CNTNAP2: variants seen among roughly 807,000 people sequenced by gnomAD.
CNTNAP2 encodes the protein contactin-associated protein-like 2.
CNTNAP2 carries 98 observed loss-of-function variants against 155.2 expected under a neutral mutation model. The ratio of observed to expected loss-of-function variants is 0.63; its 90% CI spans 0.54 to 0.75. The LOEUF (loss-of-function observed/expected upper bound fraction) is 0.75, where lower values mean the gene tolerates loss of function less well. Among genes scored for constraint, CNTNAP2 ranks in the 30% least tolerant of loss-of-function variants. The pLI is 0.00. For synonymous variants in CNTNAP2, 651 were observed against 631.2 expected, an observed-to-expected ratio of 1.03 and a Z score of -0.47; for missense variants, 1,727 against 1,688.1, an observed-to-expected ratio of 1.02 and a Z score of -0.40.
intron 10 of CNTNAP2, among the ~76,000 whole-genome samples, chr7:147,412,036 C>T (rs1307986291): frequency 6.6e-6 from 1 of 152,156 alleles, no homozygotes; most frequent in Non-Finnish European, 1.5e-5. Context: ...AGACAATCGA[C>T]ATTTTAGGGT....
intron 10 of CNTNAP2, among the ~76,000 whole-genome samples, chr7:147,463,958 TA>T (rs34032978): frequency 0.02 from 1,668 of 82,894 alleles, 39 homozygotes; most frequent in African/African-American, 0.076. Flanking sequence ...GCCCCACTAC[TA>T]AAAAAAAAAA....
intron 13 of CNTNAP2, among the ~76,000 whole-genome samples, chr7:147,777,979 T>C (rs1797610500): frequency 6.6e-6 from 1 of 152,236 alleles, no homozygotes; most frequent in Admixed American, 6.5e-5. Flanking sequence ...TTTCTCCTCC[T>C]GCCTTAAACC....
intron 10 of CNTNAP2, among the ~76,000 whole-genome samples, chr7:147,451,794 T>TTTAATTGCCATTGTAAGAATA (rs1797838887): frequency 6.6e-6 from 1 of 150,776 alleles, no homozygotes; most frequent in African/African-American, 2.4e-5. Flanking sequence ...CACATTGAAA[T>TTTAATTGCCATTGTAAGAATA]TTAATTGCCA....
At chr7:146,778,391 T>C (rs1428206935) in intron 2 of CNTNAP2, among the ~76,000 whole-genome samples, 1 of 152,200 alleles carries the variant, frequency 6.6e-6, no homozygotes, top group Non-Finnish European at 1.5e-5. Flanking sequence ...ATGGCAAAAG[T>C]ATGGAGGAAA....
At chr7:147,066,656 T>C (rs1799785065) in intron 4 of CNTNAP2, among the ~76,000 whole-genome samples, 1 of 152,140 alleles carries the variant, frequency 6.6e-6, no homozygotes, top group African/African-American at 2.4e-5. Flanking sequence ...CACAAACTCA[T>C]AATGGGGGAG....
intron 1 of CNTNAP2, among the ~76,000 whole-genome samples, chr7:146,342,698 G>A (rs766705465): frequency 2.6e-5 from 4 of 152,072 alleles, no homozygotes; most frequent in Non-Finnish European, 5.9e-5. Context: ...TTTGAGTAAT[G>A]CTGTGCTAAA....
At chr7:146,769,882 C>T (rs1802262496) in intron 1 of CNTNAP2, among the ~76,000 whole-genome samples, 1 of 151,964 alleles carries the variant, frequency 6.6e-6, no homozygotes, top group Non-Finnish European at 1.5e-5. Context: ...CAAAAGCAAT[C>T]TGTGGGCTGG....
At chr7:146,740,205 T>C (rs555343115) in intron 1 of CNTNAP2, among the ~76,000 whole-genome samples, 66 of 151,974 alleles carry the variant, frequency 4.3e-4, no homozygotes, top group Non-Finnish European at 8.1e-4. Context: ...TTCACAAATA[T>C]TGTTTTCTGC....
rs185372833 is a variant in CNTNAP2 at position 146,884,349 on chromosome 7, A to G, written c.402+44445A>G. On this transcript the variant is annotated intron_variant, in intron 3 of 23. Coordinates refer to ENST00000361727, the MANE Select transcript of CNTNAP2 (RefSeq NM_014141.6). Reference sequence around the variant, plus strand: ...TCTTGCATATTATTTATTTGCAGGTACATTGCAGCTAAAATTGGAGGAAGA... The same window carrying G: ...TCTTGCATATTATTTATTTGCAGGTGCATTGCAGCTAAAATTGGAGGAAGA... Among the ~76,000 whole-genome samples the G allele has an allele frequency of 3.4e-3, 513 of 152,278 alleles. 5 individuals carry two copies. Among genetic ancestry groups the G allele is most frequent in the African/African-American group, 0.012 (485 of 41,568 alleles).
intron 2 of CNTNAP2, among the ~76,000 whole-genome samples, chr7:146,826,467 G>A (rs1803402525): frequency 6.6e-6 from 1 of 152,022 alleles, no homozygotes; most frequent in Non-Finnish European, 1.5e-5. Context: ...GCAGGCCTGT[G>A]CCAAGATTCC....
At chr7:147,385,672 T>G (rs1304979799) in intron 9 of CNTNAP2, among the ~76,000 whole-genome samples, 1 of 152,224 alleles carries the variant, frequency 6.6e-6, no homozygotes, top group East Asian at 1.9e-4. Context: ...CCTGTGGCTT[T>G]GCAAGGTATA....
Position 147,817,576 on chromosome 7 carries a change from C to CCA in CNTNAP2, c.2099-85989_2099-85988insCA, listed in dbSNP as rs539812904. Among the ~76,000 whole-genome samples, 362 of 152,192 alleles carry CCA rather than the reference C, an allele frequency of 2.4e-3. 1 individual carries two copies. The highest frequency in any genetic ancestry group is 8.4e-3 in the African/African-American group (349 of 41,516). ...ACTTATTCACGTAATTAAATGCCAC[C>CCA]TGTACTCCAATAACTTATGGGAAAA... On this transcript the variant is annotated intron_variant, in intron 13 of 23. Transcript: ENST00000361727.
At chr7:146,567,813 C>T (rs561837132) in intron 1 of CNTNAP2, among the ~76,000 whole-genome samples, 18 of 152,182 alleles carry the variant, frequency 1.2e-4, no homozygotes, top group Admixed American at 1.0e-3. Context: ...CTCCGCCTCC[C>T]GGGTTCAGGC....
chr7:148,341,135 G>C lies in CNTNAP2; in HGVS notation c.3476-42514G>C, dbSNP rs17170960. Among the ~76,000 whole-genome samples, 7 of 152,272 alleles carry C rather than the reference G, an allele frequency of 4.6e-5. No individual in the cohort carries two copies. The East Asian group carries it at 1.4e-3, about 29-fold the overall frequency. ...CCCGTCAAGACCTGAACTACCACAG[G>C]TCTAACTTGGGAAAGCCTCATTCCT... is the stretch of plus-strand genomic sequence containing the variant. On this transcript the variant is annotated intron_variant, in intron 21 of 23. Transcript: ENST00000361727.
intron 17 of CNTNAP2, among the ~76,000 whole-genome samples, chr7:148,150,538 ACT>A (rs1247678290): frequency 1.3e-5 from 2 of 151,338 alleles, no homozygotes; most frequent in East Asian, 3.9e-4. Flanking sequence ...ATAGAGTGAG[ACT>A]CTGTCTCAGA....
chr7:147,456,890 A>T (rs1797926009), intron 10 of CNTNAP2, among the ~76,000 whole-genome samples: 1 of 152,200 alleles, frequency 6.6e-6, no homozygotes, highest in African/African-American at 2.4e-5. Flanking sequence ...AATGTTAACC[A>T]GGAGGTCTGT....
chr7:146,402,246 A>G (rs981393624), intron 1 of CNTNAP2, among the ~76,000 whole-genome samples: 4 of 152,186 alleles, frequency 2.6e-5, no homozygotes. Flanking sequence ...TGTGTTTTGT[A>G]GAGCACCATC....
chr7:146,610,288 C>T (rs537816369), intron 1 of CNTNAP2, among the ~76,000 whole-genome samples: 1 of 152,226 alleles, frequency 6.6e-6, no homozygotes, highest in Non-Finnish European at 1.5e-5. Flanking sequence ...ATAGGAAAGG[C>T]TTGAAACATG....
chr7:147,407,284 T>C (rs1033715662), intron 10 of CNTNAP2, among the ~76,000 whole-genome samples: 20 of 151,710 alleles, frequency 1.3e-4, no homozygotes, highest in Admixed American at 9.8e-4. Flanking sequence ...CTGGCTAACA[T>C]GGTGAAACCC....
Sources: allele counts gnomAD v4.1 joint callset (sites outside exome capture counted in the v4.1 genomes callset), GRCh38; gene constraint gnomAD v4.1.1; transcripts MANE v1.5; gene names NCBI Gene and HGNC (gene_info 2026-07-23, HGNC 2026-07-21).